Variants in EXOC4 observed in about 807,000 individuals in gnomAD.
EXOC4 encodes the protein SEC8-like 1.
A neutral mutation model predicts 107.2 loss-of-function variants in EXOC4; 71 were observed. That is an observed-to-expected ratio of 0.66 (90% CI 0.55 to 0.81). The LOEUF is 0.81. Among genes scored for constraint, EXOC4 ranks in the 30% least tolerant of loss-of-function variants. The pLI is 0.00. For synonymous variants in EXOC4, 456 were observed against 441.2 expected, an observed-to-expected ratio of 1.03 and a Z score of -0.42; for missense variants, 1,108 against 1,189.6, an observed-to-expected ratio of 0.93 and a Z score of 1.01.
At chr7:133,318,936 T>C (rs1281740217) in intron 5 of EXOC4, among the ~76,000 whole-genome samples, 2 of 152,232 alleles carry the variant, frequency 1.3e-5, no homozygotes, top group Non-Finnish European at 2.9e-5. Flanking sequence ...TCTCCCTCTT[T>C]CTGATGTAAT....
chr7:134,092,491 C>T, the EXOC4 span, among the ~76,000 whole-genome samples: 1 of 151,412 alleles, frequency 6.6e-6, no homozygotes. Context: ...AGTTAAAGGA[C>T]AGCATAAGAA....
intron 2 of EXOC4, among the ~76,000 whole-genome samples, chr7:133,287,605 G>T (rs545751557): frequency 6.6e-6 from 1 of 152,108 alleles, no homozygotes; most frequent in Non-Finnish European, 1.5e-5. Flanking sequence ...GAGCCACTGC[G>T]CCTGGCCTAC....
chr7:133,347,612 T>A (rs1795814594), intron 5 of EXOC4, among the ~76,000 whole-genome samples: 1 of 152,326 alleles, frequency 6.6e-6, no homozygotes, highest in Non-Finnish European at 1.5e-5. Flanking sequence ...CTAGTCAATC[T>A]TTTCATGAGT....
intron 7 of EXOC4, among the ~76,000 whole-genome samples, chr7:133,421,200 A>G (rs1050992295): frequency 2.0e-5 from 3 of 152,092 alleles, no homozygotes; most frequent in African/African-American, 7.2e-5. Context: ...AGCATTATAT[A>G]ATGTTGTGGT....
chr7:134,030,544 GAGAGTGCAGTGCAGCCACAGC>G (rs1294556436), intron 17 of EXOC4, among the ~76,000 whole-genome samples: 3 of 152,182 alleles, frequency 2.0e-5, no homozygotes, highest in African/African-American at 7.2e-5. Context: ...CACCGCTGAT[GAGAGTGCAGTGCAGCCACAGC>G]AGCCCCCATA....
chr7:133,270,127 G>A (rs896281028), intron 1 of EXOC4, among the ~76,000 whole-genome samples: 16 of 152,078 alleles, frequency 1.1e-4, no homozygotes, highest in African/African-American at 3.4e-4. Flanking sequence ...TTTAGACAGG[G>A]TAGTCCCTGC....
intron 17 of EXOC4, among the ~76,000 whole-genome samples, chr7:134,046,451 C>A (rs575949439): frequency 6.6e-6 from 1 of 150,474 alleles, no homozygotes; most frequent in Admixed American, 6.6e-5. Flanking sequence ...GCCAGGACGA[C>A]AGAGTAAGAC....
chr7:133,372,652 C>T (rs1796403171), intron 6 of EXOC4, among the ~76,000 whole-genome samples: 1 of 152,080 alleles, frequency 6.6e-6, no homozygotes, highest in Admixed American at 6.6e-5. Context: ...TGGAGATAAC[C>T]AGATAACAGC....
chr7:133,995,523 A>G (rs998562522), intron 14 of EXOC4, among the ~76,000 whole-genome samples: 5 of 152,198 alleles, frequency 3.3e-5, no homozygotes, highest in African/African-American at 9.7e-5. Flanking sequence ...AAAAGCAGTG[A>G]TCTTGTCTTG....
intron 10 of EXOC4, among the ~76,000 whole-genome samples, chr7:133,640,425 A>G (rs1270544959): frequency 6.6e-6 from 1 of 152,214 alleles, no homozygotes; most frequent in Non-Finnish European, 1.5e-5. Flanking sequence ...TATAAAATAT[A>G]ATATTTAATC....
intron 17 of EXOC4, among the ~76,000 whole-genome samples, chr7:134,057,332 AACAAAAACCTAT>A (rs1795953174): frequency 6.6e-6 from 1 of 151,814 alleles, no homozygotes; most frequent in African/African-American, 2.4e-5. Context: ...TCCTGATCAG[AACAAAAACCTAT>A]ACAATCCGTT....
At chr7:133,364,148 T>C (rs528835984) in intron 6 of EXOC4, among the ~76,000 whole-genome samples, 4 of 152,028 alleles carry the variant, frequency 2.6e-5, no homozygotes, top group African/African-American at 4.8e-5. Flanking sequence ...TTTATGGAGA[T>C]GTGGTCTCAC....
intron 10 of EXOC4, among the ~76,000 whole-genome samples, chr7:133,685,433 C>A (rs1343558739): frequency 2.0e-5 from 3 of 152,126 alleles, no homozygotes; most frequent in Non-Finnish European, 4.4e-5. Context: ...TTTCCTGAGA[C>A]CTCCCCAGCC....
In EXOC4 at chr7:133,270,938, A is replaced by G. The variant is rs1444889920; in HGVS notation, c.87-4044A>G. On this transcript the variant is annotated intron_variant, in intron 1 of 17. Transcript: ENST00000253861. ...TGCTTTGCTTTTTTTTTTTTTTTTG[A>G]GATGGAGTCTCTCTCTGTTGCCCAG... Among the ~76,000 whole-genome samples the G allele has an allele frequency of 1.9e-3, 197 of 105,246 alleles. 1 individual carries two copies. Among genetic ancestry groups the G allele is most frequent in the African/African-American group, 6.4e-3 (180 of 28,300 alleles). 69.0% of individuals were successfully genotyped at this position (105,246 alleles called of 152,430 possible).
intron 11 of EXOC4, among the ~76,000 whole-genome samples, chr7:133,855,421 A>G (rs1798354217): frequency 6.6e-6 from 1 of 151,930 alleles, no homozygotes; most frequent in South Asian, 2.1e-4. Context: ...CCATGTCTGT[A>G]TGTCTTCCAT....
chr7:133,322,516 T>G (rs1392905442), intron 5 of EXOC4, among the ~76,000 whole-genome samples: 1 of 152,178 alleles, frequency 6.6e-6, no homozygotes, highest in African/African-American at 2.4e-5. Flanking sequence ...TTGTGAAAGG[T>G]CAGATGGTTG....
chr7:133,378,909 C>G (rs913068755), intron 7 of EXOC4, among the ~76,000 whole-genome samples: 4 of 152,036 alleles, frequency 2.6e-5, no homozygotes, highest in African/African-American at 9.7e-5. Context: ...CGACCAGATA[C>G]TCCAGTTGAA....
intron 7 of EXOC4, among the ~76,000 whole-genome samples, chr7:133,432,749 A>G (rs972671653): frequency 3.3e-5 from 5 of 152,190 alleles, no homozygotes; most frequent in Non-Finnish European, 5.9e-5. Context: ...TGCTTACTAC[A>G]TTATCCAAGT....
In EXOC4 at chr7:133,917,755, C is replaced by G. The variant is rs756394885; in HGVS notation, c.2027+17C>G. ...TTTCATAAGGTAAAAGGTCCATTTT[C>G]TAAGTTGTCCTAAACATAGGGAGGA... On this transcript the variant is annotated intron_variant, in intron 13 of 17. Transcript: ENST00000253861. 2.5e-6 allele frequency: 4 copies of G among 1,612,028 alleles called. No individual in the cohort carries two copies. The African/African-American group carries it at 5.3e-5, about 22-fold the overall frequency.
Sources: allele counts gnomAD v4.1 joint callset (sites outside exome capture counted in the v4.1 genomes callset), GRCh38; gene constraint gnomAD v4.1.1; transcripts MANE v1.5; gene names NCBI Gene and HGNC (gene_info 2026-07-23, HGNC 2026-07-21).